UGT2B17: variants seen among roughly 807,000 people sequenced by gnomAD.
The protein encoded by UGT2B17 is UDP-glucuronosyltransferase 2B17.
UGT2B17 carries 21 observed loss-of-function variants against 48.2 expected under a neutral mutation model. The observed-to-expected ratio is 0.44, with a 90% CI of 0.31 to 0.63. The LOEUF (loss-of-function observed/expected upper bound fraction) is 0.63, where lower values mean the gene tolerates loss of function less well. Among genes scored for constraint, UGT2B17 ranks in the 20% least tolerant of loss-of-function variants. The probability of loss-of-function intolerance (pLI) is 0.08; values close to 1 mark genes in which losing one functional copy is unlikely to be tolerated. For synonymous variants in UGT2B17, 146 were observed against 238.4 expected (o/e 0.61, Z 3.57); for missense variants, 402 against 696.1 (o/e 0.58, Z 4.75).
At chr4:68,573,062 T>C (rs1731319139) in intron 1 of UGT2B17, among the ~76,000 whole-genome samples, 2 of 127,872 alleles carry the variant, frequency 1.6e-5, no homozygotes, top group South Asian at 6.8e-4. Flanking sequence ...CTATCATTTA[T>C]TAGCTAATGA....
At position 68,576,003 on chromosome 4, in the gene UGT2B17, A is replaced by T. The variant is rs1384284088; in HGVS notation, c.-117T>A. On this transcript the variant is annotated 5_prime_UTR_variant, in exon 1 of 7. Transcript: ENST00000317746. ...GCCAGTTCCTTCCCGGTGTTCAGCC[A>T]CTGTGTTAATCCTCCACGGGGGCCT... 3.2e-5 allele frequency among the ~76,000 whole-genome samples: 4 copies of T among 126,638 alleles called. 2 individuals are homozygous for T. The highest frequency in any genetic ancestry group is 6.7e-5 in the Non-Finnish European group (4 of 59,672). The allele number at this position is 126,638 out of a possible 152,430, so 83.1% of individuals were successfully genotyped here. A position where few individuals can be genotyped will look rare whatever the true frequency, so the allele number is the denominator to read the frequency against.
intron 2 of UGT2B17, 75 bp from the exon 3 acceptor site, chr4:68,565,795 A>G: frequency 8.1e-7 from 1 of 1,240,814 alleles, no homozygotes; most frequent in South Asian, 2.5e-5. Flanking sequence ...ATATGCAGGT[A>G]TTTTCCTGAA....
intron 6 of UGT2B17, among the ~76,000 whole-genome samples, chr4:68,545,781 G>T (rs947758893): frequency 8.0e-6 from 1 of 125,718 alleles, no homozygotes; most frequent in African/African-American, 2.7e-5. Context: ...TACCATCAGA[G>T]AATACTATAA....
chr4:68,575,878 C>G lies in UGT2B17; in HGVS notation c.-65+73G>C, dbSNP rs1443882966. Reference sequence around the variant, plus strand: ...CAAAACCAGAACAAAGGTGCCAACACAGGCACACCGTGGGTGACCAGGCCA... The same window carrying G: ...CAAAACCAGAACAAAGGTGCCAACAGAGGCACACCGTGGGTGACCAGGCCA... On this transcript the variant is annotated intron_variant, in intron 1 of 6. Transcript: ENST00000317746. 1.6e-5 allele frequency among the ~76,000 whole-genome samples: 2 copies of G among 126,004 alleles called. 1 individual carries two copies. The highest frequency in any genetic ancestry group is 3.4e-5 in the Non-Finnish European group (2 of 59,444). The allele number at this position is 126,004 out of a possible 152,430, so 82.7% of individuals were successfully genotyped here.
intron 1 of UGT2B17, among the ~76,000 whole-genome samples, chr4:68,571,881 G>A (rs1322338719): frequency 7.9e-6 from 1 of 125,964 alleles, no homozygotes; most frequent in Non-Finnish European, 1.7e-5. Flanking sequence ...TCTGGAGAGC[G>A]TTTTTGAACC....
At position 68,537,989 on chromosome 4, in the gene UGT2B17, G is replaced by A. The variant is rs112873457; in HGVS notation, c.1314-85C>T. On this transcript the variant is annotated intron_variant, in intron 6 of 6. Coordinates refer to ENST00000317746, the MANE Select transcript of UGT2B17 (RefSeq NM_001077.4). Reference sequence around the variant, plus strand: ...AGTCTATGGATGGTCTTTGAAAAGCGCCACACAAGTGATTCAAAGTAAGTG... The same window carrying A: ...AGTCTATGGATGGTCTTTGAAAAGCACCACACAAGTGATTCAAAGTAAGTG... 49 of 957,458 alleles carry A rather than the reference G, an allele frequency of 5.1e-5. 11 individuals are homozygous for A. Among genetic ancestry groups the A allele is most frequent in the South Asian group, 4.8e-4 (12 of 24,780 alleles). The allele number at this position is 957,458 out of a possible 1,614,324, so 59.3% of individuals were successfully genotyped here. A position where few individuals can be genotyped will look rare whatever the true frequency, so the allele number is the denominator to read the frequency against.
chr4:68,545,253 A>G lies in UGT2B17; in HGVS notation c.1313+5424T>C, dbSNP rs1265904464. ...CAGACCACAGTGCAATCAAACTAGA[A>G]CTCAGGATTAAGAAACTCACTCAAA... is the stretch of plus-strand genomic sequence containing the variant. On this transcript the variant is annotated intron_variant, in intron 6 of 6. Coordinates refer to ENST00000317746, the MANE Select transcript of UGT2B17 (RefSeq NM_001077.4). Among the ~76,000 whole-genome samples, 33 of 126,552 alleles carry G rather than the reference A, an allele frequency of 2.6e-4. 7 individuals are homozygous for G. The highest frequency in any genetic ancestry group is 8.4e-4 in the African/African-American group (31 of 37,036). The allele number at this position is 126,552 out of a possible 152,430, so 83.0% of individuals were successfully genotyped here. A position where few individuals can be genotyped will look rare whatever the true frequency, so the allele number is the denominator to read the frequency against.
At chr4:68,545,575 A>C (rs1730784880) in intron 6 of UGT2B17, among the ~76,000 whole-genome samples, 1 of 126,108 alleles carries the variant, frequency 7.9e-6, no homozygotes, top group Non-Finnish European at 1.7e-5. Context: ...AACTAAAATC[A>C]GAGCAGAACT....
At position 68,568,080 on chromosome 4, in the gene UGT2B17, C is replaced by T. The variant is rs200116533; in HGVS notation, c.405G>A (p.Lys135=). The T allele has an allele frequency of 7.2e-7, 1 of 1,382,952 alleles. No homozygotes were observed. The highest frequency in any genetic ancestry group is 1.5e-5 in the African/African-American group (1 of 68,048). The allele number at this position is 1,382,952 out of a possible 1,614,324, so 85.7% of individuals were successfully genotyped here. A position where few individuals can be genotyped will look rare whatever the true frequency, so the allele number is the denominator to read the frequency against. Residue 135 remains lysine (K), a synonymous_variant, in exon 2 of 7, where the codon AAG becomes AAA. Coordinates refer to ENST00000317746, the MANE Select transcript of UGT2B17 (RefSeq NM_001077.4). ...ACTCTTGTAGTTTTCTCATAAGTTT[C>T]TTGTTCAAAACTGCATCTTCACAGA... is the stretch of plus-strand genomic sequence containing the variant. The part of the protein sequence containing the change: ...IKLCEDAVLN[K]KLMRKLQESK...
rs1307967810 is a variant in UGT2B17, at chr4:68,552,160, G to C, written c.1006-249C>G. Among the ~76,000 whole-genome samples, 4 of 125,814 alleles carry C rather than the reference G, an allele frequency of 3.2e-5. 1 individual carries two copies. Among genetic ancestry groups the C allele is most frequent in the African/African-American group, 1.1e-4 (4 of 36,932 alleles). 82.5% of individuals were successfully genotyped at this position (125,814 alleles called of 152,430 possible). A position where few individuals can be genotyped will look rare whatever the true frequency, so the allele number is the denominator to read the frequency against. On this transcript the variant is annotated intron_variant, in intron 4 of 6. Transcript: ENST00000317746. Reference sequence around the variant, plus strand: ...TCTAACTTAATAGCTAGACACATGAGAGTGTGAGAGGAAAATAAATCTTGG... The same window carrying C: ...TCTAACTTAATAGCTAGACACATGACAGTGTGAGAGGAAAATAAATCTTGG...
rs1244914609 is a variant in UGT2B17 at position 68,568,234 on chromosome 4, T to C, written c.251A>G (p.Asn84Ser). The change falls in exon 2 of 7, where the codon AAT becomes AGT. Residue 84 changes from asparagine (N) to serine (S), a missense_variant. Physicochemically the swap from Asn to Ser is conservative, Grantham distance 46 (BLOSUM62 1). Coordinates refer to ENST00000317746, the MANE Select transcript of UGT2B17 (RefSeq NM_001077.4). Reference protein sequence around the residue: ...LEVYPTSLTKNDLEDFFMKMF... With the variant: ...LEVYPTSLTKSDLEDFFMKMF... The stretch of plus-strand genomic sequence containing the variant: ...TTTCATAAAAAAATCTTCCAAATCA[T>C]TTTTAGTTAAAGATGTAGGATAAAC... 7.3e-7 allele frequency: 1 copy of C among 1,374,306 alleles called. No homozygotes were observed. Among genetic ancestry groups the C allele is most frequent in the Admixed American group, 2.1e-5 (1 of 47,582 alleles). 85.1% of individuals were successfully genotyped at this position (1,374,306 alleles called of 1,614,324 possible). A position where few individuals can be genotyped will look rare whatever the true frequency, so the allele number is the denominator to read the frequency against.
chr4:68,560,881 CATGT>C (rs1263170623), intron 3 of UGT2B17, among the ~76,000 whole-genome samples: 6 of 125,588 alleles, frequency 4.8e-5, no homozygotes, highest in Non-Finnish European at 1.0e-4. Context: ...TGTGCATATG[CATGT>C]ATGTATGTGT....
intron 3 of UGT2B17, 43 bp from the exon 4 acceptor site, chr4:68,560,711 C>A: frequency 9.4e-7 from 1 of 1,059,408 alleles, no homozygotes; most frequent in South Asian, 2.2e-5. Context: ...AGCAACAGCA[C>A]AGAAAACACT....
At chr4:68,574,831 G>A (rs1177717345) in intron 1 of UGT2B17, among the ~76,000 whole-genome samples, 1 of 124,192 alleles carries the variant, frequency 8.1e-6, no homozygotes, top group Non-Finnish European at 1.7e-5. Flanking sequence ...TTTTCAACAT[G>A]TCTCAACTTT....
chr4:68,563,466 C>T lies in UGT2B17; in HGVS notation c.873+2106G>A, dbSNP rs1403169764. On this transcript the variant is annotated intron_variant, in intron 3 of 6. Transcript: ENST00000317746. ...CTCTACTAAAAATACAAAAATTATC[C>T]GGATGTGTTGGTGGGTGCCTGTAAT... 1.3e-4 allele frequency among the ~76,000 whole-genome samples: 16 copies of T among 126,162 alleles called. 3 individuals carry two copies. The highest frequency in any genetic ancestry group is 3.8e-4 in the African/African-American group (14 of 37,054). 82.8% of individuals were successfully genotyped at this position (126,162 alleles called of 152,430 possible).
Position 68,547,351 on chromosome 4 carries a change from C to A in UGT2B17, c.1313+3326G>T, listed in dbSNP as rs1166775712. On this transcript the variant is annotated intron_variant, in intron 6 of 6. Transcript: ENST00000317746. ...AGGATTCCCTATTTAATAAATGGTG[C>A]TAGGAAAACTGGCTAGCCATATGTA... Among the ~76,000 whole-genome samples, 22 of 126,248 alleles carry A rather than the reference C, an allele frequency of 1.7e-4. 6 individuals carry two copies. Among genetic ancestry groups the A allele is most frequent in the Middle Eastern group, 3.9e-3 (1 of 254 alleles). The allele number at this position is 126,248 out of a possible 152,430, so 82.8% of individuals were successfully genotyped here. A position where few individuals can be genotyped will look rare whatever the true frequency, so the allele number is the denominator to read the frequency against.
Position 68,576,205 on chromosome 4 carries a change from G to A in UGT2B17, c.-319C>T, listed in dbSNP as rs528313851. ...TCAGTCACCTTGCTTCTGGGTCAGG[G>A]AGCCAAGAAATGTAGCAGGACGAGC... On this transcript the variant is annotated 5_prime_UTR_variant, in exon 1 of 7. Coordinates refer to ENST00000317746, the MANE Select transcript of UGT2B17 (RefSeq NM_001077.4). Among the ~76,000 whole-genome samples the A allele has an allele frequency of 3.1e-3, 390 of 125,458 alleles. 89 individuals carry two copies. Among genetic ancestry groups the A allele is most frequent in the Non-Finnish European group, 5.2e-3 (309 of 59,280 alleles). The allele number at this position is 125,458 out of a possible 152,430, so 82.3% of individuals were successfully genotyped here.
rs553076864 is a variant in UGT2B17 at position 68,553,628 on chromosome 4, G to A, written c.1006-1717C>T. Among the ~76,000 whole-genome samples, 8 of 125,788 alleles carry A rather than the reference G, an allele frequency of 6.4e-5. 1 individual carries two copies. The highest frequency in any genetic ancestry group is 3.7e-4 in the South Asian group (1 of 2,690). The allele number at this position is 125,788 out of a possible 152,430, so 82.5% of individuals were successfully genotyped here. ...TACTGTGAGAGGATTTTACCTTGGCGTGTGTAATGGCAGACGAGTTACAAA... is the reference window on the plus strand; with the variant it reads ...TACTGTGAGAGGATTTTACCTTGGCATGTGTAATGGCAGACGAGTTACAAA... On this transcript the variant is annotated intron_variant, in intron 4 of 6. Transcript: ENST00000317746.
intron 1 of UGT2B17, among the ~76,000 whole-genome samples, chr4:68,574,506 T>C (rs1731339452): frequency 7.9e-6 from 1 of 127,056 alleles, no homozygotes; most frequent in African/African-American, 2.7e-5. Flanking sequence ...TCATGTCTAG[T>C]TCACAGAAAA....
Sources: gnomAD v4.1 joint callset for allele counts (sites outside exome capture counted in the v4.1 genomes callset) on GRCh38, gnomAD v4.1.1 for gene constraint, MANE v1.5 for transcripts, NCBI Gene and HGNC (gene_info 2026-07-23, HGNC 2026-07-21) for gene names.